FANCB: variants seen among roughly 807,000 people sequenced by gnomAD.
The protein encoded by FANCB is FA complementation group B.
Under a neutral mutation model 38.9 loss-of-function variants are expected in FANCB, and 5 were observed. The ratio of observed to expected loss-of-function variants is 0.13; its 90% CI spans 0.07 to 0.27. The LOEUF (loss-of-function observed/expected upper bound fraction) is 0.27. Ranked by LOEUF, FANCB falls within the 10% of genes least tolerant of loss-of-function variation. The pLI is 1.00. For missense variants in FANCB, 573 were observed against 602.7 expected (o/e 0.95, Z 0.52); for synonymous variants, 236 against 215.4 (o/e 1.10, Z -0.84).
the FANCB span, among the ~76,000 whole-genome samples, chrX:14,797,556 C>T: frequency 9.1e-6 from 1 of 109,435 alleles, no homozygotes; most frequent in Admixed American, 9.8e-5. Context: ...CTGGTGTGCA[C>T]CTGTGGTCCC....
the FANCB span, among the ~76,000 whole-genome samples, chrX:14,729,339 A>G: frequency 9.0e-6 from 1 of 111,295 alleles, no homozygotes; most frequent in East Asian, 2.8e-4. Context: ...TTTCAATCCC[A>G]GCTTTTCAAC....
At chrX:14,785,207 C>A in the FANCB span, among the ~76,000 whole-genome samples, 1 of 111,743 alleles carries the variant, frequency 8.9e-6, no homozygotes, top group Admixed American at 9.5e-5. Flanking sequence ...TAACAGTGGG[C>A]CCACCTAGAT....
the FANCB span, among the ~76,000 whole-genome samples, chrX:14,783,547 T>C: frequency 8.9e-6 from 1 of 112,081 alleles, no homozygotes; most frequent in South Asian, 3.7e-4. Flanking sequence ...CATAATCAGA[T>C]TCTAGCATGC....
the FANCB span, among the ~76,000 whole-genome samples, chrX:14,817,338 T>C: frequency 8.9e-6 from 1 of 111,781 alleles, no homozygotes; most frequent in Non-Finnish European, 1.9e-5. Flanking sequence ...CATACAGGTA[T>C]AGACACCCAA....
chrX:14,709,743 A>AC, the FANCB span, among the ~76,000 whole-genome samples: 1 of 111,607 alleles, frequency 9.0e-6, no homozygotes, highest in African/African-American at 3.3e-5. Flanking sequence ...CCAATGCTCT[A>AC]CCTCTGAGCT....
the FANCB span, among the ~76,000 whole-genome samples, chrX:14,798,037 T>A: frequency 8.9e-6 from 1 of 111,930 alleles, no homozygotes; most frequent in Non-Finnish European, 1.9e-5. Flanking sequence ...TTATACCATA[T>A]CATGCAAGCG....
the FANCB span, among the ~76,000 whole-genome samples, chrX:14,712,600 A>G: frequency 9.1e-6 from 1 of 109,771 alleles, no homozygotes; most frequent in Admixed American, 9.7e-5. Flanking sequence ...GGGTATAGTC[A>G]TGAAGACAAA....
chrX:14,700,578 A>G, the FANCB span, among the ~76,000 whole-genome samples: 16 of 112,004 alleles, frequency 1.4e-4, no homozygotes, highest in Non-Finnish European at 3.0e-4. Flanking sequence ...GCTAAGAAGC[A>G]GCCATGGATT....
chrX:14,836,903 C>T (rs1414793777), intron 10 of FANCB, among the ~76,000 whole-genome samples: 1 of 110,654 alleles, frequency 9.0e-6, no homozygotes, highest in African/African-American at 3.4e-5. Flanking sequence ...GTATTAATTA[C>T]CTCAATGTCA....
chrX:14,787,812 G>T, the FANCB span, among the ~76,000 whole-genome samples: 2 of 95,647 alleles, frequency 2.1e-5, no homozygotes, highest in Non-Finnish European at 4.1e-5. Context: ...GGGAACTAAG[G>T]AGAAAACCAG....
At chrX:14,724,532 A>C in the FANCB span, among the ~76,000 whole-genome samples, 23 of 105,682 alleles carry the variant, frequency 2.2e-4, 1 homozygote, top group Admixed American at 2.2e-3. Flanking sequence ...AGGCTGAAGC[A>C]GGAGAATCAC....
chrX:14,746,481 C>T, the FANCB span, among the ~76,000 whole-genome samples: 2 of 112,035 alleles, frequency 1.8e-5, no homozygotes, highest in Non-Finnish European at 3.8e-5. Flanking sequence ...TTCAGGAAAG[C>T]CTTGGATGGA....
the FANCB span, among the ~76,000 whole-genome samples, chrX:14,729,004 C>T: frequency 1.0e-3 from 113 of 112,335 alleles, no homozygotes; most frequent in African/African-American, 3.1e-3. Context: ...GTTGAACTTA[C>T]AAAACTCATT....
the FANCB span, among the ~76,000 whole-genome samples, chrX:14,745,206 G>C: frequency 9.0e-6 from 1 of 111,589 alleles, no homozygotes; most frequent in Non-Finnish European, 1.9e-5. Flanking sequence ...ATTTTAAAGA[G>C]TTTATTTGAG....
chrX:14,819,552 C>T, the FANCB span, among the ~76,000 whole-genome samples: 18 of 111,606 alleles, frequency 1.6e-4, no homozygotes, highest in Admixed American at 1.3e-3. Context: ...AGCTAAAGAC[C>T]TCAGAGGAAC....
chrX:14,816,637 C>G, the FANCB span, among the ~76,000 whole-genome samples: 1 of 112,057 alleles, frequency 8.9e-6, no homozygotes, highest in Non-Finnish European at 1.9e-5. Context: ...CCTCTACCCA[C>G]CAGATTCCAC....
At chrX:14,798,348 G>A in the FANCB span, among the ~76,000 whole-genome samples, 5 of 110,290 alleles carry the variant, frequency 4.5e-5, no homozygotes, top group African/African-American at 1.7e-4. Context: ...ATTTTTAGTA[G>A]AGACGGGGTT....
intron 7 of FANCB, among the ~76,000 whole-genome samples, chrX:14,846,131 T>C (rs1315488696): frequency 9.0e-6 from 1 of 111,728 alleles, no homozygotes; most frequent in African/African-American, 3.3e-5. Context: ...AATTATGTAG[T>C]AGGTGCAACA....
chrX:14,768,160 T>C, the FANCB span, among the ~76,000 whole-genome samples: 1 of 112,105 alleles, frequency 8.9e-6, no homozygotes, highest in Non-Finnish European at 1.9e-5. Flanking sequence ...TTTGGTTCCA[T>C]ATTAATTTTA....
Sources: gnomAD v4.1 joint callset for allele counts (sites outside exome capture counted in the v4.1 genomes callset) on GRCh38, gnomAD v4.1.1 for gene constraint, MANE v1.5 for transcripts, NCBI Gene and HGNC (gene_info 2026-07-23, HGNC 2026-07-21) for gene names.